CDK14: variants seen among roughly 807,000 people sequenced by gnomAD.
CDK14 encodes cyclin dependent kinase 14.
CDK14 carries 34 observed loss-of-function variants against 60.7 expected under a neutral mutation model. The ratio of observed to expected loss-of-function variants is 0.56; its 90% CI spans 0.43 to 0.75. The LOEUF (loss-of-function observed/expected upper bound fraction) is 0.75. Ranked by LOEUF, CDK14 falls within the 30% of genes least tolerant of loss-of-function variation. The probability of loss-of-function intolerance (pLI) is 0.00; values close to 1 mark genes in which losing one functional copy is unlikely to be tolerated. For synonymous variants in CDK14, 197 were observed against 203.7 expected, an observed-to-expected ratio of 0.97 and a Z score of 0.28; for missense variants, 482 against 564.1, an observed-to-expected ratio of 0.85 and a Z score of 1.47.
chr7:90,647,428 AT>A (rs2116460946), intron 2 of CDK14, among the ~76,000 whole-genome samples: 1 of 152,096 alleles, frequency 6.6e-6, no homozygotes, highest in South Asian at 2.1e-4. Context: ...CTTATTTCTA[AT>A]TATTAAAAGA....
chr7:90,652,883 A>T (rs771567330), intron 2 of CDK14, among the ~76,000 whole-genome samples: 8 of 152,210 alleles, frequency 5.3e-5, no homozygotes, highest in Non-Finnish European at 7.3e-5. Flanking sequence ...GATAGATAGA[A>T]GTGAAGGTTG....
chr7:90,798,520 A>G (rs1177627175), intron 5 of CDK14, among the ~76,000 whole-genome samples: 1 of 152,150 alleles, frequency 6.6e-6, no homozygotes, highest in African/African-American at 2.4e-5. Context: ...CTGAATTTGA[A>G]TTTGCCCCTC....
intron 10 of CDK14, among the ~76,000 whole-genome samples, chr7:90,988,645 A>G (rs771246773): frequency 1.3e-5 from 2 of 152,096 alleles, no homozygotes; most frequent in African/African-American, 2.4e-5. Context: ...CAACCCTGGG[A>G]ATATGTTTCT....
At chr7:90,605,554 C>T (rs1799400404) in intron 2 of CDK14, among the ~76,000 whole-genome samples, 1 of 152,058 alleles carries the variant, frequency 6.6e-6, no homozygotes. Flanking sequence ...TGTTTTCTTT[C>T]TTTTCAGGAG....
chr7:90,784,963 ATTC>A (rs921268836), intron 4 of CDK14, among the ~76,000 whole-genome samples: 12 of 152,332 alleles, frequency 7.9e-5, no homozygotes, highest in African/African-American at 2.9e-4. Flanking sequence ...AAATCTGTAA[ATTC>A]TTCTGAAAAT....
chr7:91,042,847 A>G (rs1470663617), intron 10 of CDK14, among the ~76,000 whole-genome samples: 1 of 152,244 alleles, frequency 6.6e-6, no homozygotes. Flanking sequence ...ATTAATAGAA[A>G]TGAAAATCTG....
At chr7:91,016,775 A>G (rs1360732381) in intron 10 of CDK14, among the ~76,000 whole-genome samples, 1 of 152,200 alleles carries the variant, frequency 6.6e-6, no homozygotes, top group African/African-American at 2.4e-5. Context: ...CCTAGATTCT[A>G]TTAGAGGAAT....
intron 14 of CDK14, among the ~76,000 whole-genome samples, chr7:91,203,534 A>G (rs1296316452): frequency 6.6e-6 from 1 of 152,196 alleles, no homozygotes; most frequent in Non-Finnish European, 1.5e-5. Flanking sequence ...TGTGGGTACC[A>G]GGTCTCCATT....
chr7:90,747,882 C>A, intron 4 of CDK14, 107 bp downstream of exon 4: 2 of 406,014 alleles, frequency 4.9e-6, no homozygotes, highest in Non-Finnish European at 7.9e-6. Context: ...AATAGATTTT[C>A]CTCCCTCACG....
In CDK14 at chr7:90,604,239, C is replaced by A; in HGVS notation, c.113C>A (p.Thr38Asn). 2 of 1,538,718 alleles carry A rather than the reference C, an allele frequency of 1.3e-6. No homozygotes were observed. Among genetic ancestry groups the A allele is most frequent in the Non-Finnish European group, 1.8e-6 (2 of 1,135,232 alleles). The stretch of plus-strand genomic sequence containing the variant: ...ATAGCTTTGAAGAAAGATGACACCA[C>A]CTTTGATGAGGTAGGTTAAATTTCT... The part of the protein sequence containing the change: ...SRIALKKDDT[T>N]FDEICVTKMS... Residue 38 changes from threonine (T) to asparagine (N), a missense_variant, in exon 2 of 15, where the codon ACC becomes AAC. Physicochemically the swap from Thr to Asn is moderately conservative, Grantham distance 65 (BLOSUM62 0). Coordinates refer to ENST00000380050, the MANE Select transcript of CDK14 (RefSeq NM_001287135.2).
At chr7:90,781,905 T>G (rs1300153424) in intron 4 of CDK14, among the ~76,000 whole-genome samples, 1 of 152,270 alleles carries the variant, frequency 6.6e-6, no homozygotes, top group Admixed American at 6.5e-5. Context: ...TGCGGGCTCT[T>G]TTTTGGTTCC....
At chr7:91,060,053 G>T (rs140659313) in intron 11 of CDK14, among the ~76,000 whole-genome samples, 5 of 151,574 alleles carry the variant, frequency 3.3e-5, no homozygotes, top group Non-Finnish European at 7.4e-5. Flanking sequence ...TGTCTTTGTA[G>T]GTCCTAAGGA....
intron 3 of CDK14, among the ~76,000 whole-genome samples, chr7:90,738,909 C>T (rs1045080713): frequency 5.9e-4 from 68 of 115,514 alleles, no homozygotes; most frequent in Non-Finnish European, 9.1e-4. Context: ...TTTTTTTTTA[C>T]TTATTTGATG....
At chr7:90,964,200 T>G (rs1794688674) in intron 9 of CDK14, among the ~76,000 whole-genome samples, 1 of 152,156 alleles carries the variant, frequency 6.6e-6, no homozygotes. Context: ...TTTGCAGCCT[T>G]TTGTGATAGT....
chr7:90,895,133 A>G (rs1200365852), intron 6 of CDK14, among the ~76,000 whole-genome samples: 1 of 152,070 alleles, frequency 6.6e-6, no homozygotes, highest in African/African-American at 2.4e-5. Flanking sequence ...TTTTATTAAA[A>G]CAGTCTGAAT....
chr7:91,018,465 T>TA (rs1279769386), intron 10 of CDK14, among the ~76,000 whole-genome samples: 2 of 146,696 alleles, frequency 1.4e-5, no homozygotes, highest in East Asian at 3.9e-4. Context: ...AATTAATAAA[T>TA]AAAAAATATC....
intron 2 of CDK14, among the ~76,000 whole-genome samples, chr7:90,682,872 G>A (rs1801349477): frequency 6.6e-6 from 1 of 152,088 alleles, no homozygotes; most frequent in Non-Finnish European, 1.5e-5. Context: ...CTCTTGTTTA[G>A]TTTTAGGTTA....
chr7:90,837,080 T>G (rs1011039416), intron 5 of CDK14, among the ~76,000 whole-genome samples: 1 of 152,148 alleles, frequency 6.6e-6, no homozygotes, highest in Non-Finnish European at 1.5e-5. Flanking sequence ...AGCTGGCACT[T>G]GCTCCAGAGT....
intron 2 of CDK14, chr7:90,710,489 C>G: frequency 3.0e-6 from 3 of 985,208 alleles, no homozygotes; most frequent in Non-Finnish European, 3.6e-6. Context: ...GGGCTTCCTC[C>G]CTGCTCATCC....
Sources: gnomAD v4.1 joint callset for allele counts (sites outside exome capture counted in the v4.1 genomes callset) on GRCh38, gnomAD v4.1.1 for gene constraint, MANE v1.5 for transcripts, NCBI Gene and HGNC (gene_info 2026-07-23, HGNC 2026-07-21) for gene names.